Variants in SLC15A3 observed in about 807,000 individuals in gnomAD.
SLC15A3 encodes the protein osteoclast transporter.
A neutral mutation model predicts 49.2 loss-of-function variants in SLC15A3; 39 were observed. That is an observed-to-expected ratio of 0.79 (90% CI 0.61 to 1.04). The LOEUF is 1.04. Among genes scored for constraint, SLC15A3 ranks in the 50% least tolerant of loss-of-function variants. The pLI is 0.00. For missense variants in SLC15A3, 758 were observed against 794.8 expected (o/e 0.95, Z 0.56); for synonymous variants, 339 against 367.0 (o/e 0.92, Z 0.87).
chr11:60,939,227 G>C (rs1856674302), intron 6 of SLC15A3, among the ~76,000 whole-genome samples: 1 of 152,224 alleles, frequency 6.6e-6, no homozygotes, highest in African/African-American at 2.4e-5. Flanking sequence ...CCTGGCACCA[G>C]GGGAATACGT....
intron 1 of SLC15A3, 95 bp downstream of exon 1, chr11:60,950,899 C>T: frequency 7.9e-7 from 1 of 1,264,432 alleles, no homozygotes; most frequent in South Asian, 1.8e-5. Context: ...CTAGTGCAGG[C>T]AGGGGACCTG....
Position 60,946,481 on chromosome 11 carries a change from C to T in SLC15A3, c.848+51G>A, listed in dbSNP as rs374106545. On this transcript the variant is annotated intron_variant, in intron 2 of 7. Transcript: ENST00000227880. Reference sequence around the variant, plus strand: ...TGGACCATGCCTCCCCGGGAGCGATCCAGCGCTTCTCCAGGCTTGGAGGCT... The same window carrying T: ...TGGACCATGCCTCCCCGGGAGCGATTCAGCGCTTCTCCAGGCTTGGAGGCT... 1.9e-4 allele frequency: 291 copies of T among 1,513,626 alleles called. 1 individual carries two copies. In the African/African-American group the frequency reaches 3.5e-3, roughly 18 times the overall value. 93.8% of individuals were successfully genotyped at this position (1,513,626 alleles called of 1,614,324 possible). A position where few individuals can be genotyped will look rare whatever the true frequency, so the allele number is the denominator to read the frequency against.
At chr11:60,945,305 T>C (rs549643222) in intron 2 of SLC15A3, among the ~76,000 whole-genome samples, 33 of 152,308 alleles carry the variant, frequency 2.2e-4, no homozygotes, top group Admixed American at 5.9e-4. Context: ...ACAGCCCACA[T>C]TGACTGCCAG....
In SLC15A3 at chr11:60,937,220, C is replaced by T. The variant is rs1422467421; in HGVS notation, c.1745G>A (p.Ter582=). 1 of 1,613,552 alleles carries T rather than the reference C, an allele frequency of 6.2e-7. No homozygotes were observed. Among genetic ancestry groups the T allele is most frequent in the Admixed American group, 1.7e-5 (1 of 59,990 alleles). The change falls in exon 8 of 8, where the codon TGA becomes TAA. Residue 582 remains the stop codon, a stop_retained_variant. Coordinates refer to ENST00000227880, the MANE Select transcript of SLC15A3 (RefSeq NM_016582.3). ...CAAGGGGGCTGGAATAGGGCCTGTT[C>T]AGCCCCTGTCCCTGCTGAAACGGCT... ...SHSRFSRDRG[*]
Position 60,951,153 on chromosome 11 carries a change from C to T in SLC15A3, c.399G>A (p.Glu133=), listed in dbSNP as rs923247853. The T allele has an allele frequency of 1.3e-6, 2 of 1,490,116 alleles. No individual in the cohort carries two copies. Among genetic ancestry groups the T allele is most frequent in the Non-Finnish European group, 1.8e-6 (2 of 1,128,882 alleles). The allele number at this position is 1,490,116 out of a possible 1,614,324, so 92.3% of individuals were successfully genotyped here. Residue 133 remains glutamate, a synonymous_variant, in exon 1 of 8, where the codon GAG becomes GAA. Coordinates refer to ENST00000227880, the MANE Select transcript of SLC15A3 (RefSeq NM_016582.3). The part of the protein sequence containing the change: ...FPDGRSSFCG[E]MPASPLGPAC... ...CAGGTCCCAGCGGCGACGCGGGCAT[C>T]TCTCCGCAGAAGGAGCTGCGGCCGT...
intron 2 of SLC15A3, 26 bp downstream of exon 2, chr11:60,946,506 T>TC: frequency 6.5e-7 from 1 of 1,527,898 alleles, no homozygotes; most frequent in East Asian, 2.3e-5. Context: ...GCTTGGAGGC[T>TC]CCCTGCACCC....
chr11:60,945,654 T>C (rs142985333), intron 2 of SLC15A3, among the ~76,000 whole-genome samples: 182 of 152,258 alleles, frequency 1.2e-3, no homozygotes, highest in African/African-American at 4.0e-3. Context: ...TTGGCATAAG[T>C]AGACAGTTAA....
chr11:60,946,945 C>T (rs371167527), intron 1 of SLC15A3, 124 bp from the exon 2 acceptor site: 4 of 1,025,532 alleles, frequency 3.9e-6, no homozygotes, highest in Non-Finnish European at 1.4e-6. Context: ...CGACACTTTC[C>T]CAGTCTCTGA....
chr11:60,949,503 GGAAAGAAAGAAAGAAAGAAAGAAA>G (rs1205207226), intron 1 of SLC15A3, among the ~76,000 whole-genome samples: 15 of 64,722 alleles, frequency 2.3e-4, no homozygotes, highest in African/African-American at 4.3e-4. Context: ...AAAGAAAGAA[GGAAAGAAAGAAAGAAAGAAAGAAA>G]GAAAGAAAGA....
intron 4 of SLC15A3, 135 bp from the exon 5 acceptor site, chr11:60,941,425 C>T (rs1856707388): frequency 1.2e-6 from 1 of 829,556 alleles, no homozygotes; most frequent in Non-Finnish European, 1.8e-6. Flanking sequence ...GTTCATGCTC[C>T]TCAGCTGTGT....
At position 60,937,174 on chromosome 11, in the gene SLC15A3, C is replaced by T. The variant is rs1380803058; in HGVS notation, c.*45G>A. 3.2e-6 allele frequency: 5 copies of T among 1,581,438 alleles called. No homozygotes were observed. Among genetic ancestry groups the T allele is most frequent in the African/African-American group, 1.4e-5 (1 of 73,734 alleles). On this transcript the variant is annotated 3_prime_UTR_variant, in exon 8 of 8. Coordinates refer to ENST00000227880, the MANE Select transcript of SLC15A3 (RefSeq NM_016582.3). ...AGGAAACCAGAGCTGGGACTGCTGCCGTCTGTCCGGTAGAGTGAAGCAAGG... is the reference window on the plus strand; with the variant it reads ...AGGAAACCAGAGCTGGGACTGCTGCTGTCTGTCCGGTAGAGTGAAGCAAGG...
At chr11:60,941,472 G>A in intron 4 of SLC15A3, 182 bp from the exon 5 acceptor site, 1 of 552,078 alleles carries the variant, frequency 1.8e-6, no homozygotes, top group Non-Finnish European at 3.1e-6. Context: ...TGGCAAATAG[G>A]TTCCTCTTGT....
chr11:60,950,898 G>A, intron 1 of SLC15A3, 96 bp downstream of exon 1: 1 of 1,253,656 alleles, frequency 8.0e-7, no homozygotes, highest in Non-Finnish European at 1.0e-6. Context: ...ACTAGTGCAG[G>A]CAGGGGACCT....
Position 60,941,989 on chromosome 11 carries a change from C to T in SLC15A3, c.1107+46G>A, listed in dbSNP as rs749410470. On this transcript the variant is annotated intron_variant, in intron 4 of 7. Coordinates refer to ENST00000227880, the MANE Select transcript of SLC15A3 (RefSeq NM_016582.3). Reference sequence around the variant, plus strand: ...ATTTCCTCCTCTTCTCAGAGGAAGCCGCTACCTGGCTGAACTGGGTGCCGA... The same window carrying T: ...ATTTCCTCCTCTTCTCAGAGGAAGCTGCTACCTGGCTGAACTGGGTGCCGA... 1.4e-5 allele frequency: 22 copies of T among 1,566,114 alleles called. No individual in the cohort carries two copies. The Admixed American group carries it at 1.7e-4, about 12-fold the overall frequency.
chr11:60,946,799 G>T lies in SLC15A3; in HGVS notation c.581C>A (p.Ala194Asp). ...AAACCAGTTGAAGAAGCGGCGGGTG[G>T]CGTCGCGGCCGAGATCCATCACCTG... Reference protein sequence around the residue: ...ADQVMDLGRDATRRFFNWFYW... With the variant: ...ADQVMDLGRDDTRRFFNWFYW... The change falls in exon 2 of 8, where the codon GCC (alanine) becomes GAC (aspartate). Residue 194 changes from alanine (A) to aspartate (D), a missense_variant. Around this residue, in one of 3 missense-constraint regions of SLC15A3, gnomAD observed 699 missense variants for 706.7 expected, o/e 0.99. Transcript: ENST00000227880. The T allele has an allele frequency of 6.2e-7, 1 of 1,612,228 alleles. No individual in the cohort carries two copies.
In SLC15A3 at chr11:60,946,598, A is replaced by C. The variant is rs756820941; in HGVS notation, c.782T>G (p.Val261Gly). Residue 261 changes from valine (V) to glycine (G), a missense_variant, in exon 2 of 8, where the codon GTG becomes GGG. By Grantham distance (109) the Val-to-Gly change is moderately radical. This residue lies in a region of SLC15A3 where 699 missense variants were observed against 706.7 expected (regional missense o/e 0.99). Coordinates refer to ENST00000227880, the MANE Select transcript of SLC15A3 (RefSeq NM_016582.3). ...GAGAGCGAGCTTAAGCATAGAGGAC[A>C]CTTGGCTGCCCATCGGGGGCTTGGT... is the stretch of plus-strand genomic sequence containing the variant. The part of the protein sequence containing the change: ...FITKPPMGSQ[V>G]SSMLKLALQN... The C allele has an allele frequency of 6.2e-7, 1 of 1,612,826 alleles. No individual in the cohort carries two copies. Among genetic ancestry groups the C allele is most frequent in the Admixed American group, 1.7e-5 (1 of 59,984 alleles).
At chr11:60,938,433 C>T (rs1166892371) in intron 6 of SLC15A3, among the ~76,000 whole-genome samples, 2 of 152,106 alleles carry the variant, frequency 1.3e-5, no homozygotes, top group Admixed American at 1.3e-4. Context: ...CTCTCTATTC[C>T]CTCTGCCCTG....
intron 2 of SLC15A3, among the ~76,000 whole-genome samples, chr11:60,945,122 T>C (rs1403029935): frequency 6.6e-6 from 1 of 152,180 alleles, no homozygotes; most frequent in Non-Finnish European, 1.5e-5. Flanking sequence ...TTAAGGACCT[T>C]AAGAAGACCC....
chr11:60,946,677 C>T lies in SLC15A3; in HGVS notation c.703G>A (p.Gly235Ser). ...ATGAAAAATGCCAGGCCCACACAGC[C>T]CACAGGGATGCTGTAGCCCAGCAGG... is the stretch of plus-strand genomic sequence containing the variant. ...SFLLGYSIPV[G>S]CVGLAFFIFL... Residue 235 changes from glycine (G) to serine (S), a missense_variant, in exon 2 of 8, where the codon GGC becomes AGC. By Grantham distance (56) the Gly-to-Ser change is moderately conservative (BLOSUM62 0). Transcript: ENST00000227880. The T allele has an allele frequency of 6.2e-7, 1 of 1,614,164 alleles. No homozygotes were observed. The highest frequency in any genetic ancestry group is 8.5e-7 in the Non-Finnish European group (1 of 1,180,000).
Sources: gnomAD v4.1 joint callset for allele counts (sites outside exome capture counted in the v4.1 genomes callset) on GRCh38, gnomAD v4.1.1 for gene constraint, gnomAD v4.1.1 regional missense constraint, MANE v1.5 for transcripts, NCBI Gene and HGNC (gene_info 2026-07-23, HGNC 2026-07-21) for gene names.